ZNF469: variants seen among roughly 807,000 people sequenced by gnomAD.
ZNF469 encodes the protein zinc finger protein 469.
In ZNF469, 1 loss-of-function variant was observed where a neutral mutation model predicts 1.0. That is an observed-to-expected ratio of 1.00 (90% CI 0.35 to 4.73). ZNF469 has a LOEUF of 4.73. Ranked by LOEUF, ZNF469 falls within the 30% of genes most tolerant of loss-of-function variation. The pLI is 0.16. For missense variants in ZNF469, 6,100 were observed against 5,356.3 expected (o/e 1.14, Z -4.33); for synonymous variants, 2,703 against 2,363.4 (o/e 1.14, Z -4.17).
chr16:88,432,241 G>T lies in ZNF469; in HGVS notation c.4771G>T (p.Ala1591Ser), dbSNP rs755066385. 121 of 1,548,920 alleles carry T rather than the reference G, an allele frequency of 7.8e-5. No homozygotes were observed. The highest frequency in any genetic ancestry group is 1.0e-4 in the Non-Finnish European group (117 of 1,146,996). Reference protein sequence around the residue: ...TRGAPRELAEAESVGRVELGT... With the variant: ...TRGAPRELAESESVGRVELGT... ...TGGGGCCCCGAGAGAGCTTGCAGAA[G>T]CTGAGTCGGTGGGCAGGGTGGAGCT... Residue 1591 changes from alanine (A) to serine (S), a missense_variant, in exon 3 of 3, where the codon GCT becomes TCT. Ala to Ser is a moderately conservative substitution (Grantham distance 99). Transcript: ENST00000565624.
chr16:88,350,290 C>T, the ZNF469 span, among the ~76,000 whole-genome samples: 3 of 152,280 alleles, frequency 2.0e-5, no homozygotes, highest in African/African-American at 7.2e-5. Flanking sequence ...GTCCGCTCCC[C>T]TCCCCTTGGC....
chr16:88,315,196 A>G, the ZNF469 span, among the ~76,000 whole-genome samples: 3 of 152,138 alleles, frequency 2.0e-5, no homozygotes, highest in Admixed American at 6.5e-5. Flanking sequence ...CAAGTCACCT[A>G]AGGTTGTGCG....
At chr16:88,410,277 G>A (rs376762520) in intron 1 of ZNF469, among the ~76,000 whole-genome samples, 17 of 148,294 alleles carry the variant, frequency 1.1e-4, no homozygotes, top group African/African-American at 3.1e-4. Context: ...TCACGGTGAC[G>A]TCTATGATAC....
At chr16:88,323,528 TG>T in the ZNF469 span, among the ~76,000 whole-genome samples, 1 of 152,156 alleles carries the variant, frequency 6.6e-6, no homozygotes, top group Non-Finnish European at 1.5e-5. Context: ...GAGAGGGCCC[TG>T]GGCATGGGAG....
the ZNF469 span, among the ~76,000 whole-genome samples, chr16:88,132,253 C>G: frequency 6.6e-6 from 1 of 152,356 alleles, no homozygotes; most frequent in Non-Finnish European, 1.5e-5. Context: ...CTTCCTGCAC[C>G]CAGGAAGTGA....
chr16:88,229,638 T>TGTGGATGTACCGC, the ZNF469 span, among the ~76,000 whole-genome samples: 1 of 133,074 alleles, frequency 7.5e-6, no homozygotes, highest in African/African-American at 3.3e-5. Context: ...GGATGTCACG[T>TGTGGATGTACCGC]GTGTGTGCTG....
the ZNF469 span, among the ~76,000 whole-genome samples, chr16:88,174,939 C>CGTGT: frequency 4.0e-5 from 6 of 150,390 alleles, no homozygotes; most frequent in Middle Eastern, 3.5e-3. Context: ...TAGGGTCAAC[C>CGTGT]GTGTGTGTGT....
At chr16:88,257,734 G>C in the ZNF469 span, among the ~76,000 whole-genome samples, 2 of 152,144 alleles carry the variant, frequency 1.3e-5, no homozygotes, top group African/African-American at 2.4e-5. Context: ...CTTTTTATGT[G>C]CATTGATGAG....
chr16:88,428,998 G>T lies in ZNF469; in HGVS notation c.1528G>T (p.Gly510Cys), dbSNP rs755555951. ...MLSRLPFPAG[G>C]PEWQGGSQGA... The stretch of plus-strand genomic sequence containing the variant: ...GAGCCGGCTGCCTTTCCCCGCGGGG[G>T]GCCCCGAGTGGCAGGGGGGCAGCCA... Residue 510 changes from glycine to cysteine, a missense_variant, in exon 3 of 3, where the codon GGC becomes TGC. By Grantham distance (159) the Gly-to-Cys change is radical. Coordinates refer to ENST00000565624, the MANE Select transcript of ZNF469 (RefSeq NM_001367624.2). 2.1e-5 allele frequency: 33 copies of T among 1,549,286 alleles called. No individual in the cohort carries two copies. Among genetic ancestry groups the T allele is most frequent in the South Asian group, 2.4e-5 (2 of 84,032 alleles).
At chr16:88,269,964 T>C in the ZNF469 span, among the ~76,000 whole-genome samples, 1 of 152,078 alleles carries the variant, frequency 6.6e-6, no homozygotes, top group Non-Finnish European at 1.5e-5. Flanking sequence ...CAGAGTGTTT[T>C]CTAGAAACCA....
the ZNF469 span, among the ~76,000 whole-genome samples, chr16:88,141,857 G>T: frequency 1.3e-5 from 2 of 152,030 alleles, no homozygotes; most frequent in Non-Finnish European, 2.9e-5. Flanking sequence ...TCTTCCCTGC[G>T]CCTCCAGAAG....
the ZNF469 span, among the ~76,000 whole-genome samples, chr16:88,225,095 G>C: frequency 6.6e-6 from 1 of 152,176 alleles, no homozygotes; most frequent in African/African-American, 2.4e-5. Flanking sequence ...CAGTGCCTAC[G>C]GGCGCCTGGC....
At chr16:88,329,438 C>G in the ZNF469 span, among the ~76,000 whole-genome samples, 1 of 152,226 alleles carries the variant, frequency 6.6e-6, no homozygotes, top group African/African-American at 2.4e-5. Flanking sequence ...GGGGTCTCAC[C>G]TCATACCACA....
At chr16:88,217,191 C>T in the ZNF469 span, among the ~76,000 whole-genome samples, 1 of 152,032 alleles carries the variant, frequency 6.6e-6, no homozygotes, top group Non-Finnish European at 1.5e-5. Flanking sequence ...GAGGCTCCAG[C>T]TGATGCTATT....
the ZNF469 span, among the ~76,000 whole-genome samples, chr16:88,336,669 C>T: frequency 6.6e-6 from 1 of 152,218 alleles, no homozygotes. Flanking sequence ...ACGTGAGACA[C>T]CGACATGCCA....
the ZNF469 span, among the ~76,000 whole-genome samples, chr16:88,375,232 T>G: frequency 6.6e-6 from 1 of 152,202 alleles, no homozygotes; most frequent in Non-Finnish European, 1.5e-5. Flanking sequence ...TTCACCTCCA[T>G]CCGGACTCAG....
chr16:88,310,188 C>G, the ZNF469 span, among the ~76,000 whole-genome samples: 2 of 152,018 alleles, frequency 1.3e-5, no homozygotes, highest in Non-Finnish European at 1.5e-5. Context: ...TCTGCAGAAC[C>G]CTCAGATTAC....
the ZNF469 span, among the ~76,000 whole-genome samples, chr16:88,107,841 C>T: frequency 5.3e-5 from 8 of 152,222 alleles, no homozygotes; most frequent in Non-Finnish European, 8.8e-5. Context: ...TGGCTTTGTC[C>T]CCACAGGGCC....
At chr16:88,220,460 T>G in the ZNF469 span, among the ~76,000 whole-genome samples, 1 of 152,078 alleles carries the variant, frequency 6.6e-6, no homozygotes, top group African/African-American at 2.4e-5. Flanking sequence ...CCGGATGAAG[T>G]GTGCTGCAAG....
Sources: gnomAD v4.1 joint callset for allele counts (sites outside exome capture counted in the v4.1 genomes callset) on GRCh38, gnomAD v4.1.1 for gene constraint, MANE v1.5 for transcripts, NCBI Gene and HGNC (gene_info 2026-07-23, HGNC 2026-07-21) for gene names.